The following SLC6A3 variants were observed in gnomAD, a reference collection of about 807,000 sequenced individuals.
The protein encoded by SLC6A3 is solute carrier family 6 member 3, also known as sodium-dependent dopamine transporter.
A neutral mutation model predicts 70.4 loss-of-function variants in SLC6A3; 19 were observed. The observed-to-expected ratio is 0.27, with a 90% confidence interval of 0.19 to 0.40. The LOEUF (loss-of-function observed/expected upper bound fraction) is 0.40. SLC6A3 is among the 10% of genes least tolerant of loss of function. The pLI, the probability that SLC6A3 is intolerant of heterozygous loss-of-function variation, is 1.00. For synonymous variants in SLC6A3, 368 were observed against 356.6 expected, an observed-to-expected ratio of 1.03 and a Z score of -0.36; for missense variants, 613 against 838.5, an observed-to-expected ratio of 0.73 and a Z score of 3.32.
intron 6 of SLC6A3, among the ~76,000 whole-genome samples, chr5:1,416,789 G>A (rs551821291): frequency 5.2e-4 from 79 of 151,026 alleles, no homozygotes; most frequent in Admixed American, 1.9e-3. Flanking sequence ...AGAAGAGCAC[G>A]GACTCATCCA....
chr5:1,414,170 C>A (rs1177457961), intron 8 of SLC6A3, among the ~76,000 whole-genome samples: 2 of 152,064 alleles, frequency 1.3e-5, no homozygotes, highest in Non-Finnish European at 2.9e-5. Flanking sequence ...CAGCTCATTC[C>A]TCCCCTTCCC....
At position 1,404,337 on chromosome 5, in the gene SLC6A3, C is replaced by T. The variant is rs1473906596; in HGVS notation, c.1600-1248G>A. Among the ~76,000 whole-genome samples the T allele has an allele frequency of 6.6e-6, 1 of 152,190 alleles. No individual in the cohort carries two copies. Among genetic ancestry groups the T allele is most frequent in the African/African-American group, 2.4e-5 (1 of 41,458 alleles). On this transcript the variant is annotated intron_variant, in intron 12 of 14. Transcript: ENST00000270349. The surrounding 1 kb of genome is among the most constrained non-coding windows in gnomAD (Gnocchi z 5.2). ...GGATCAGGGGCGGCTGCCTTGGCTG[C>T]ACAGAGAGCCCTGAGCATGCTTTAA...
chr5:1,401,033 T>C lies in SLC6A3; in HGVS notation c.1768-47A>G. 1 of 1,415,040 alleles carries C rather than the reference T, an allele frequency of 7.1e-7. No individual in the cohort carries two copies. The highest frequency in any genetic ancestry group is 9.8e-7 in the Non-Finnish European group (1 of 1,017,580). 87.7% of individuals were successfully genotyped at this position (1,415,040 alleles called of 1,614,324 possible). ...GGGGTCAGTGCAGACCAGTACCCAC[T>C]GCCAGCACCCACCACTGACTCACAC... is the stretch of plus-strand genomic sequence containing the variant. On this transcript the variant is annotated intron_variant, in intron 13 of 14. Transcript: ENST00000270349. This position sits in a 1 kb window ranked among gnomAD's most constrained non-coding sequence, Gnocchi z 6.1.
rs546737049 is a variant in SLC6A3, at chr5:1,408,333, C to T, written c.1498+693G>A. Among the ~76,000 whole-genome samples the T allele has an allele frequency of 2.1e-4, 32 of 152,130 alleles. 1 individual carries two copies. The South Asian group carries it at 3.5e-3, about 17-fold the overall frequency. The stretch of plus-strand genomic sequence containing the variant: ...CTGGGATTACAGGCGTGAGTCACCG[C>T]GCCCGGACCACACATTCATGGCGAG... On this transcript the variant is annotated intron_variant, in intron 11 of 14. Transcript: ENST00000270349. This position sits in a 1 kb window ranked among gnomAD's most constrained non-coding sequence, Gnocchi z 6.4.
At position 1,408,100 on chromosome 5, in the gene SLC6A3, A is replaced by G. The variant is rs1242082756; in HGVS notation, c.1498+926T>C. ...ACTGCAACCTCCGCCTTCCGGGTTC[A>G]AGCTGAATCATATTCCATCGTAAGT... On this transcript the variant is annotated intron_variant, in intron 11 of 14. Coordinates refer to ENST00000270349, the MANE Select transcript of SLC6A3 (RefSeq NM_001044.5). The surrounding 1 kb of genome is among the most constrained non-coding windows in gnomAD (Gnocchi z 6.4). 6.6e-6 allele frequency among the ~76,000 whole-genome samples: 1 copy of G among 151,928 alleles called. No individual in the cohort carries two copies. The highest frequency in any genetic ancestry group is 1.9e-4 in the East Asian group (1 of 5,176).
At chr5:1,422,036 G>T in intron 4 of SLC6A3, 22 bp from the exon 5 acceptor site, 1 of 1,605,694 alleles carries the variant, frequency 6.2e-7, no homozygotes, top group Non-Finnish European at 8.5e-7. Context: ...AGTCAGCGGG[G>T]GACTCTGTGG....
rs8179026 is a variant in SLC6A3, at chr5:1,420,534, T to C, written c.927+35A>G. 3.3e-5 allele frequency: 53 copies of C among 1,612,146 alleles called. No individual in the cohort carries two copies. In the African/African-American group the frequency reaches 4.9e-4, roughly 15 times the overall value. ...GGAAACCTGGGAATGCCAGAGCCCC[T>C]GTGGACTGTGAAGCAGTGAGCAGAC... On this transcript the variant is annotated intron_variant, in intron 6 of 14. Coordinates refer to ENST00000270349, the MANE Select transcript of SLC6A3 (RefSeq NM_001044.5).
Position 1,405,174 on chromosome 5 carries a change from G to A in SLC6A3, c.1599+1014C>T, listed in dbSNP as rs1032696918. On this transcript the variant is annotated intron_variant, in intron 12 of 14. Coordinates refer to ENST00000270349, the MANE Select transcript of SLC6A3 (RefSeq NM_001044.5). This position sits in a 1 kb window ranked among gnomAD's most constrained non-coding sequence, Gnocchi z 5.3. ...GAACACTTACGTGCAGCCACACCAC[G>A]CGGCCTGGAGCTCAGACACGGTGGA... is the stretch of plus-strand genomic sequence containing the variant. 2.6e-5 allele frequency among the ~76,000 whole-genome samples: 4 copies of A among 152,218 alleles called. No homozygotes were observed. Among genetic ancestry groups the A allele is most frequent in the African/African-American group, 7.2e-5 (3 of 41,450 alleles).
chr5:1,401,542 G>A lies in SLC6A3; in HGVS notation c.1768-556C>T, dbSNP rs1388607240. On this transcript the variant is annotated intron_variant, in intron 13 of 14. Coordinates refer to ENST00000270349, the MANE Select transcript of SLC6A3 (RefSeq NM_001044.5). The surrounding 1 kb of genome is among the most constrained non-coding windows in gnomAD (Gnocchi z 6.1). ...AGCATCTTCAGGAGCTCACCCTCTC[G>A]GGCCTGGATGCCTGTATCTGGATCT... 3.9e-5 allele frequency among the ~76,000 whole-genome samples: 6 copies of A among 152,268 alleles called. No homozygotes were observed. The highest frequency in any genetic ancestry group is 3.9e-4 in the East Asian group (2 of 5,170).
rs550572671 is a variant in SLC6A3, at chr5:1,401,178, G to A, written c.1768-192C>T. 4.3e-6 allele frequency: 3 copies of A among 701,222 alleles called. No individual in the cohort carries two copies. Among genetic ancestry groups the A allele is most frequent in the Non-Finnish European group, 5.2e-6 (2 of 384,302 alleles). 43.4% of individuals were successfully genotyped at this position (701,222 alleles called of 1,614,324 possible). ...GACTTACACTGCCAGTGCCCATGCC[G>A]ACCAGACAGCCAGTCAGGCCCGAAG... On this transcript the variant is annotated intron_variant, in intron 13 of 14. Coordinates refer to ENST00000270349, the MANE Select transcript of SLC6A3 (RefSeq NM_001044.5). This position sits in a 1 kb window ranked among gnomAD's most constrained non-coding sequence, Gnocchi z 6.1.
At chr5:1,418,162 C>G (rs1194829060) in intron 6 of SLC6A3, among the ~76,000 whole-genome samples, 1 of 152,116 alleles carries the variant, frequency 6.6e-6, no homozygotes, top group African/African-American at 2.4e-5. Flanking sequence ...ACCTGCCTGG[C>G]CAGGTAGCTG....
chr5:1,445,132 G>A (rs1733770467), intron 1 of SLC6A3, among the ~76,000 whole-genome samples: 1 of 152,190 alleles, frequency 6.6e-6, no homozygotes, highest in Non-Finnish European at 1.5e-5. Context: ...GGGCAGCCCT[G>A]CACCCTCCTC....
Position 1,406,150 on chromosome 5 carries a change from G to T in SLC6A3, c.1599+38C>A. 1 of 1,468,560 alleles carries T rather than the reference G, an allele frequency of 6.8e-7. No homozygotes were observed. Among genetic ancestry groups the T allele is most frequent in the Non-Finnish European group, 9.5e-7 (1 of 1,048,224 alleles). The allele number at this position is 1,468,560 out of a possible 1,614,324, so 91.0% of individuals were successfully genotyped here. ...GCAGGTGCCAGAGTGGGGGCAGTGGGCAGACGGGGGAAGGGCAGGTGGCCC... is the reference window on the plus strand; with the variant it reads ...GCAGGTGCCAGAGTGGGGGCAGTGGTCAGACGGGGGAAGGGCAGGTGGCCC... On this transcript the variant is annotated intron_variant, in intron 12 of 14. Coordinates refer to ENST00000270349, the MANE Select transcript of SLC6A3 (RefSeq NM_001044.5). This position sits in a 1 kb window ranked among gnomAD's most constrained non-coding sequence, Gnocchi z 8.8.
chr5:1,416,801 A>G lies in SLC6A3; in HGVS notation c.928-600T>C, dbSNP rs1481217538. Among the ~76,000 whole-genome samples the G allele has an allele frequency of 4.0e-5, 6 of 151,856 alleles. No homozygotes were observed. The East Asian group carries it at 1.2e-3, about 29-fold the overall frequency. ...CTCAGAAGAGCACGGACTCATCCAC[A>G]CACAACATGACCGCAGCGTCCTAAT... On this transcript the variant is annotated intron_variant, in intron 6 of 14. Coordinates refer to ENST00000270349, the MANE Select transcript of SLC6A3 (RefSeq NM_001044.5).
intron 14 of SLC6A3, among the ~76,000 whole-genome samples, chr5:1,399,611 G>A (rs1249276293): frequency 6.6e-6 from 1 of 152,202 alleles, no homozygotes; most frequent in East Asian, 1.9e-4. Flanking sequence ...AGAGGCTCTG[G>A]TGGAGCAGGA....
chr5:1,397,290 T>TA lies in SLC6A3; in HGVS notation c.1840-2533dup, dbSNP rs759719584. ...GAGGAAAAATAAAAAGAAACCAAAT[T>TA]AACGGTGGTGGGTGCCTGCAGTCCC... On this transcript the variant is annotated intron_variant, in intron 14 of 14. Transcript: ENST00000270349. This position sits in a 1 kb window ranked among gnomAD's most constrained non-coding sequence, Gnocchi z 4.7. Among the ~76,000 whole-genome samples the TA allele has an allele frequency of 1.3e-5, 2 of 151,820 alleles. No individual in the cohort carries two copies. Among genetic ancestry groups the TA allele is most frequent in the Non-Finnish European group, 2.9e-5 (2 of 67,942 alleles).
intron 8 of SLC6A3, 96 bp downstream of exon 8, chr5:1,414,595 T>G: frequency 7.0e-7 from 1 of 1,431,624 alleles, no homozygotes; most frequent in Non-Finnish European, 9.5e-7. Context: ...TCAGGGCCCA[T>G]GCGTCTCCTT....
rs917028015 is a variant in SLC6A3, at chr5:1,413,482, T to G, written c.1156+1209A>C. On this transcript the variant is annotated intron_variant, in intron 8 of 14. Transcript: ENST00000270349. This position sits in a 1 kb window ranked among gnomAD's most constrained non-coding sequence, Gnocchi z 7.1. Reference sequence around the variant, plus strand: ...CAAGGCTGCCCCCGCTTGGTGCTTGTCGCTCCCCGCCTTCACTGAGCCTCA... The same window carrying G: ...CAAGGCTGCCCCCGCTTGGTGCTTGGCGCTCCCCGCCTTCACTGAGCCTCA... 3.9e-5 allele frequency among the ~76,000 whole-genome samples: 6 copies of G among 152,160 alleles called. No homozygotes were observed. The highest frequency in any genetic ancestry group is 7.4e-5 in the Non-Finnish European group (5 of 68,024).
At position 1,420,617 on chromosome 5, in the gene SLC6A3, G is replaced by T; in HGVS notation, c.879C>A (p.Gly293=). The change falls in exon 6 of 15, where the codon GGC becomes GGA. Residue 293 remains glycine, a synonymous_variant. Coordinates refer to ENST00000270349, the MANE Select transcript of SLC6A3 (RefSeq NM_001044.5). ...RGVTLPGAID[G]IRAYLSVDFY... is the part of the protein sequence containing the mutation. ...AGTCAACGCTCAGGTATGCTCTGATGCCGTCTATGGCTCCAGGGAGGGTGA... is the reference window on the plus strand; with the variant it reads ...AGTCAACGCTCAGGTATGCTCTGATTCCGTCTATGGCTCCAGGGAGGGTGA... 6.2e-7 allele frequency: 1 copy of T among 1,613,684 alleles called. No individual in the cohort carries two copies. The highest frequency in any genetic ancestry group is 8.5e-7 in the Non-Finnish European group (1 of 1,180,034).
Sources: allele counts gnomAD v4.1 joint callset (sites outside exome capture counted in the v4.1 genomes callset), GRCh38; gene constraint gnomAD v4.1.1; non-coding constraint Gnocchi (gnomAD v3.1); transcripts MANE v1.5; gene names NCBI Gene and HGNC (gene_info 2026-07-23, HGNC 2026-07-21).